Variants in MAP3K20 observed in about 807,000 individuals in gnomAD.
MAP3K20 encodes the protein HCCS-4.
In MAP3K20, 40 loss-of-function variants were observed where a neutral mutation model predicts 85.7. The ratio of observed to expected loss-of-function variants is 0.47; its 90% CI spans 0.36 to 0.61. MAP3K20 has a LOEUF of 0.61. MAP3K20 is among the 20% of genes least tolerant of loss of function. The probability of loss-of-function intolerance (pLI) is 0.00; values close to 1 mark genes in which losing one functional copy is unlikely to be tolerated. For missense variants in MAP3K20, 817 were observed against 961.7 expected (o/e 0.85, Z 1.99); for synonymous variants, 325 against 327.7 (o/e 0.99, Z 0.09).
chr2:173,264,034 A>G, intron 19 of MAP3K20, 139 bp downstream of exon 19: 1 of 1,216,808 alleles, frequency 8.2e-7, no homozygotes, highest in South Asian at 1.7e-5. Context: ...CAGAAAACCC[A>G]GTTGCAACTG....
rs546519709 is a variant in MAP3K20 at position 173,213,330 on chromosome 2, T to G, written c.851+3495T>G. 2.0e-5 allele frequency among the ~76,000 whole-genome samples: 3 copies of G among 152,326 alleles called. No homozygotes were observed. The South Asian group carries it at 6.2e-4, about 32-fold the overall frequency. ...AAGGCGTACAGTTGCCTAAGGGGCC[T>G]CCTCATCTTTCAGGAACTGTTAATC... is the stretch of plus-strand genomic sequence containing the variant. On this transcript the variant is annotated intron_variant, in intron 10 of 19. Transcript: ENST00000375213.
intron 11 of MAP3K20, chr2:173,221,485 T>G (rs947747427): frequency 6.2e-7 from 1 of 1,607,972 alleles, no homozygotes; most frequent in Admixed American, 1.7e-5. Context: ...ATGATGATGA[T>G]GATGACGGTG....
intron 18 of MAP3K20, 65 bp from the exon 19 acceptor site, chr2:173,263,680 T>G (rs1323241692): frequency 6.8e-7 from 1 of 1,479,056 alleles, no homozygotes; most frequent in Non-Finnish European, 9.2e-7. Context: ...TATATATGTG[T>G]GTCTATTTGG....
chr2:173,112,797 T>C (rs1256317994), intron 2 of MAP3K20, among the ~76,000 whole-genome samples: 2 of 149,892 alleles, frequency 1.3e-5, no homozygotes, highest in Non-Finnish European at 1.5e-5. Flanking sequence ...CTTTTTGATA[T>C]GTTGTTGGAT....
intron 19 of MAP3K20, among the ~76,000 whole-genome samples, chr2:173,264,845 G>C (rs1012102369): frequency 6.6e-6 from 1 of 152,172 alleles, no homozygotes; most frequent in African/African-American, 2.4e-5. Flanking sequence ...GCGGTCAGGG[G>C]GCAGGGGAGA....
chr2:173,135,428 G>A lies in MAP3K20; in HGVS notation c.160-34377G>A, dbSNP rs529834222. Among the ~76,000 whole-genome samples the A allele has an allele frequency of 2.6e-5, 4 of 152,312 alleles. No individual in the cohort carries two copies. The South Asian group carries it at 8.3e-4, about 32-fold the overall frequency. On this transcript the variant is annotated intron_variant, in intron 2 of 19. Transcript: ENST00000375213. Reference sequence around the variant, plus strand: ...ACAGACGGAAATGAAAGTCCTGCATGGAGACTCTGGAAAGCTAAGGATTGA... The same window carrying A: ...ACAGACGGAAATGAAAGTCCTGCATAGAGACTCTGGAAAGCTAAGGATTGA...
intron 2 of MAP3K20, among the ~76,000 whole-genome samples, chr2:173,106,951 T>C (rs1687799193): frequency 6.6e-6 from 1 of 151,984 alleles, no homozygotes; most frequent in African/African-American, 2.4e-5. Context: ...GGTGAAGGAC[T>C]AGACTGTTGC....
chr2:173,096,360 C>T (rs1403120731), intron 2 of MAP3K20, among the ~76,000 whole-genome samples: 1 of 129,574 alleles, frequency 7.7e-6, no homozygotes, highest in Non-Finnish European at 1.6e-5. Context: ...TTTTTTTTGA[C>T]ACAGAGTCTC....
chr2:173,146,624 T>G (rs952494192), intron 2 of MAP3K20, among the ~76,000 whole-genome samples: 1 of 152,232 alleles, frequency 6.6e-6, no homozygotes. Context: ...GAGATCTGCC[T>G]ATTCTGGACA....
At chr2:173,114,639 A>G (rs1468209696) in intron 2 of MAP3K20, among the ~76,000 whole-genome samples, 5 of 152,146 alleles carry the variant, frequency 3.3e-5, no homozygotes, top group Non-Finnish European at 7.4e-5. Flanking sequence ...TCTGAAAAAG[A>G]TGTATCTTTC....
At chr2:173,165,010 G>A (rs1689773975) in intron 2 of MAP3K20, among the ~76,000 whole-genome samples, 1 of 152,134 alleles carries the variant, frequency 6.6e-6, no homozygotes. Flanking sequence ...AACAATAAGA[G>A]CAGGCAAACA....
chr2:173,167,578 T>C (rs564185736), intron 2 of MAP3K20, among the ~76,000 whole-genome samples: 4 of 152,202 alleles, frequency 2.6e-5, no homozygotes, highest in African/African-American at 7.2e-5. Context: ...TACTTGGAAA[T>C]AAAACTGCAA....
At chr2:173,109,640 G>A (rs867568732) in intron 2 of MAP3K20, among the ~76,000 whole-genome samples, 28 of 152,158 alleles carry the variant, frequency 1.8e-4, no homozygotes, top group Middle Eastern at 3.4e-3. Context: ...GCAGAGAGAG[G>A]GAGATAGATT....
intron 2 of MAP3K20, among the ~76,000 whole-genome samples, chr2:173,124,488 TTCCA>T (rs1688386285): frequency 6.6e-6 from 1 of 151,946 alleles, no homozygotes; most frequent in Non-Finnish European, 1.5e-5. Context: ...TTGGTTGGGG[TTCCA>T]TGGGTGGGAG....
intron 2 of MAP3K20, among the ~76,000 whole-genome samples, chr2:173,127,588 C>T (rs1234841274): frequency 6.6e-6 from 1 of 152,020 alleles, no homozygotes; most frequent in Non-Finnish European, 1.5e-5. Flanking sequence ...AGTAAATAAA[C>T]CGAACCTTTC....
chr2:173,201,947 A>T (rs1691079571), intron 8 of MAP3K20, among the ~76,000 whole-genome samples: 1 of 152,182 alleles, frequency 6.6e-6, no homozygotes, highest in South Asian at 2.1e-4. Flanking sequence ...CACAGAAATG[A>T]TCATCCTCCA....
At chr2:173,259,358 G>T (rs1181039707) in intron 17 of MAP3K20, among the ~76,000 whole-genome samples, 1 of 152,166 alleles carries the variant, frequency 6.6e-6, no homozygotes, top group Non-Finnish European at 1.5e-5. Context: ...GCATGCTGAT[G>T]AAAACAAGAA....
At chr2:173,081,883 C>A (rs1687024441) in intron 1 of MAP3K20, among the ~76,000 whole-genome samples, 1 of 152,134 alleles carries the variant, frequency 6.6e-6, no homozygotes, top group African/African-American at 2.4e-5. Flanking sequence ...TGGTTTCATT[C>A]TGCCCTCTTA....
At chr2:173,185,395 G>A (rs988434429) in intron 4 of MAP3K20, among the ~76,000 whole-genome samples, 1 of 151,726 alleles carries the variant, frequency 6.6e-6, no homozygotes, top group Non-Finnish European at 1.5e-5. Context: ...GTTTATGGAC[G>A]CAAGTAATAC....
Sources: allele counts gnomAD v4.1 joint callset (sites outside exome capture counted in the v4.1 genomes callset), GRCh38; gene constraint gnomAD v4.1.1; transcripts MANE v1.5; gene names NCBI Gene and HGNC (gene_info 2026-07-23, HGNC 2026-07-21).